Variants in GAK observed in about 807,000 individuals in gnomAD.
GAK encodes cyclin G associated kinase.
GAK carries 79 observed loss-of-function variants against 143.9 expected under a neutral mutation model. That is an observed-to-expected ratio of 0.55 (90% confidence interval 0.46 to 0.66). The LOEUF (loss-of-function observed/expected upper bound fraction) is 0.66, where lower values mean the gene tolerates loss of function less well. Among genes scored for constraint, GAK ranks in the 30% least tolerant of loss-of-function variants. The pLI, the probability that GAK is intolerant of heterozygous loss-of-function variation, is 0.00. For missense variants in GAK, 1,693 were observed against 1,779.7 expected (o/e 0.95, Z 0.88); for synonymous variants, 881 against 765.5 (o/e 1.15, Z -2.49).
rs369672357 is a variant in GAK at position 877,827 on chromosome 4, G to A, written c.1662-18C>T. 111 of 1,556,812 alleles carry A rather than the reference G, an allele frequency of 7.1e-5. No individual in the cohort carries two copies. The highest frequency in any genetic ancestry group is 1.8e-4 in the African/African-American group (13 of 73,668). ...CGATGTACCTGGGGGCAGACGTGCCGCGTCACCACGTGACGTGCCCTGAGA... is the reference window on the plus strand; with the variant it reads ...CGATGTACCTGGGGGCAGACGTGCCACGTCACCACGTGACGTGCCCTGAGA... On this transcript the variant is annotated intron_variant, in intron 15 of 27. Transcript: ENST00000314167.
intron 27 of GAK, 56 bp from the exon 28 acceptor site, chr4:849,830 C>CCGGGGGGCGG: frequency 8.5e-7 from 1 of 1,172,356 alleles, no homozygotes; most frequent in Non-Finnish European, 1.2e-6. Context: ...GCGGGCGGGG[C>CCGGGGGGCGG]AGGACCCCCC....
intron 24 of GAK, among the ~76,000 whole-genome samples, chr4:854,906 G>T (rs1005716834): frequency 6.6e-6 from 1 of 152,170 alleles, no homozygotes; most frequent in African/African-American, 2.4e-5. Flanking sequence ...TTAGCTGGGC[G>T]TGGTGGCGGG....
chr4:913,457 T>C, intron 2 of GAK, 150 bp downstream of exon 2: 1 of 657,904 alleles, frequency 1.5e-6, no homozygotes, highest in Non-Finnish European at 2.7e-6. Flanking sequence ...CCAAGGCTGC[T>C]GAGATTCAGC....
chr4:884,728 T>C (rs1715912863), intron 11 of GAK, among the ~76,000 whole-genome samples: 2 of 152,178 alleles, frequency 1.3e-5, no homozygotes, highest in African/African-American at 4.8e-5. Context: ...CAGCAGCAGC[T>C]GTGTAAGAAT....
At chr4:876,784 G>A (rs968537538) in intron 17 of GAK, among the ~76,000 whole-genome samples, 175 bp from the exon 18 acceptor site, 4 of 152,366 alleles carry the variant, frequency 2.6e-5, no homozygotes, top group African/African-American at 7.2e-5. Context: ...TGTGTGGCAG[G>A]TAACCCTGAG....
At chr4:911,447 A>G (rs1577280924) in intron 4 of GAK, among the ~76,000 whole-genome samples, 1 of 152,206 alleles carries the variant, frequency 6.6e-6, no homozygotes, top group East Asian at 1.9e-4. Flanking sequence ...CAGCTCCACG[A>G]GGAGACGATG....
chr4:926,089 C>T (rs965966177), intron 1 of GAK, among the ~76,000 whole-genome samples: 6 of 151,496 alleles, frequency 4.0e-5, no homozygotes, highest in South Asian at 2.1e-4. Flanking sequence ...CCTCCCCAAA[C>T]GTCTAATTCA....
intron 1 of GAK, among the ~76,000 whole-genome samples, chr4:920,620 T>C (rs1206198410): frequency 6.9e-6 from 1 of 144,416 alleles, no homozygotes; most frequent in Non-Finnish European, 1.5e-5. Context: ...CCCGGCTCAC[T>C]GCAACCTCCG....
At chr4:871,249 C>T (rs528270872) in intron 18 of GAK, among the ~76,000 whole-genome samples, 1 of 152,230 alleles carries the variant, frequency 6.6e-6, no homozygotes, top group Admixed American at 6.5e-5. Context: ...GGGGAGGCCA[C>T]GTGCTCAGAG....
chr4:854,017 C>T (rs901694171), intron 24 of GAK, among the ~76,000 whole-genome samples: 2 of 152,002 alleles, frequency 1.3e-5, no homozygotes. Flanking sequence ...AGGCTGGTCG[C>T]GAACTCCCGA....
At chr4:887,519 A>G (rs1716703976) in intron 11 of GAK, 1 of 135,948 alleles carries the variant, frequency 7.4e-6, no homozygotes, top group Non-Finnish European at 1.6e-5. Flanking sequence ...TGGCTCACAC[A>G]CACTTGCATG....
chr4:913,232 C>A (rs935784223), intron 2 of GAK, among the ~76,000 whole-genome samples: 1 of 152,248 alleles, frequency 6.6e-6, no homozygotes, highest in Non-Finnish European at 1.5e-5. Context: ...ACAGACCCTC[C>A]CACAGTGACC....
rs770659286 is a variant in GAK, at chr4:865,233, C to G, written c.3055G>C (p.Gly1019Arg). The G allele has an allele frequency of 6.2e-7, 1 of 1,613,456 alleles. No individual in the cohort carries two copies. The highest frequency in any genetic ancestry group is 2.2e-5 in the East Asian group (1 of 44,858). ...ADFLHLGDLP[G>R]EPSKMTASSS... ...GAGGCTGTCATCTTGCTGGGCTCTC[C>G]TGGCAGATCCCCTGGGAAGAAGGAA... Residue 1019 changes from glycine to arginine, a missense_variant, in exon 23 of 28, where the codon GGA (glycine) becomes CGA (arginine). Physicochemically the swap from Gly to Arg is moderately radical, Grantham distance 125. Around this residue, in one of 2 missense-constraint regions of GAK, gnomAD observed 822 missense variants for 788.7 expected, o/e 1.04. Coordinates refer to ENST00000314167, the MANE Select transcript of GAK (RefSeq NM_005255.4).
intron 23 of GAK, among the ~76,000 whole-genome samples, chr4:863,746 A>G (rs1750679599): frequency 1.3e-5 from 2 of 152,228 alleles, no homozygotes; most frequent in South Asian, 4.1e-4. Context: ...GACTATGGCC[A>G]GGCCGTGGTG....
At chr4:877,340 A>G in intron 16 of GAK, 133 bp from the exon 17 acceptor site, 1 of 685,860 alleles carries the variant, frequency 1.5e-6, no homozygotes, top group Non-Finnish European at 2.5e-6. Flanking sequence ...ACCCCCATGA[A>G]GAGCCTCACA....
intron 27 of GAK, 59 bp from the exon 28 acceptor site, chr4:849,833 G>GGGGGGGGGGGGCCCCC: frequency 8.4e-7 from 1 of 1,190,154 alleles, no homozygotes; most frequent in Non-Finnish European, 1.2e-6. Flanking sequence ...GGCGGGGCAG[G>GGGGGGGGGGGGCCCCC]ACCCCCCCCC....
At chr4:900,599 G>A (rs1400056715) in intron 5 of GAK, among the ~76,000 whole-genome samples, 5 of 152,088 alleles carry the variant, frequency 3.3e-5, no homozygotes, top group Admixed American at 2.6e-4. Flanking sequence ...GACTCCTCAG[G>A]AAGAACCACC....
rs181492188 is a variant in GAK, at chr4:917,127, C to G, written c.146-3459G>C. ...TCAATGTACAGAAAACTCCAGAAAA[C>G]ACAAACGACCAGGCCAAAAAAAGAG... is the stretch of plus-strand genomic sequence containing the variant. On this transcript the variant is annotated intron_variant, in intron 1 of 27. Transcript: ENST00000314167. Among the ~76,000 whole-genome samples, 10 of 152,314 alleles carry G rather than the reference C, an allele frequency of 6.6e-5. 1 individual carries two copies. In the East Asian group the frequency reaches 1.9e-3, roughly 29 times the overall value.
intron 4 of GAK, among the ~76,000 whole-genome samples, chr4:908,198 G>A (rs927089557): frequency 4.6e-5 from 7 of 152,182 alleles, no homozygotes; most frequent in Admixed American, 3.9e-4. Flanking sequence ...AGCCCCGTCT[G>A]GCCTTTATCC....
Sources: gnomAD v4.1 joint callset for allele counts (sites outside exome capture counted in the v4.1 genomes callset) on GRCh38, gnomAD v4.1.1 for gene constraint, gnomAD v4.1.1 regional missense constraint, MANE v1.5 for transcripts, NCBI Gene and HGNC (gene_info 2026-07-23, HGNC 2026-07-21) for gene names.